Variants in BTBD10 observed in about 807,000 individuals in gnomAD.
BTBD10 encodes the protein BTB/POZ domain-containing protein 10.
A neutral mutation model predicts 53.2 loss-of-function variants in BTBD10; 21 were observed. That is an observed-to-expected ratio of 0.39 (90% confidence interval 0.28 to 0.57). The LOEUF (loss-of-function observed/expected upper bound fraction) is 0.57, where lower values mean the gene tolerates loss of function less well. Among genes scored for constraint, BTBD10 ranks in the 20% least tolerant of loss-of-function variants. The pLI, the probability that BTBD10 is intolerant of heterozygous loss-of-function variation, is 0.53. For synonymous variants in BTBD10, 149 were observed against 192.7 expected (o/e 0.77, Z 1.88); for missense variants, 360 against 594.7 (o/e 0.61, Z 4.10).
chr11:13,434,321 G>C (rs557171983), intron 2 of BTBD10, among the ~76,000 whole-genome samples: 1 of 152,258 alleles, frequency 6.6e-6, no homozygotes, highest in East Asian at 1.9e-4. Flanking sequence ...TAAAAAAAGA[G>C]TGCCACCGCT....
chr11:13,397,118 A>G (rs1289448245), intron 8 of BTBD10, among the ~76,000 whole-genome samples: 1 of 152,226 alleles, frequency 6.6e-6, no homozygotes, highest in African/African-American at 2.4e-5. Context: ...AAGGAATGGT[A>G]CCAGCTCCTC....
intron 5 of BTBD10, among the ~76,000 whole-genome samples, chr11:13,416,525 G>A (rs951914079): frequency 2.0e-5 from 3 of 152,100 alleles, no homozygotes; most frequent in Non-Finnish European, 2.9e-5. Context: ...AAAAATGATC[G>A]ATTTACTGTA....
At chr11:13,436,955 G>A (rs908548238) in intron 2 of BTBD10, among the ~76,000 whole-genome samples, 1 of 152,008 alleles carries the variant, frequency 6.6e-6, no homozygotes, top group Non-Finnish European at 1.5e-5. Flanking sequence ...GCTAATTTTT[G>A]TAATTTTAGT....
intron 8 of BTBD10, among the ~76,000 whole-genome samples, chr11:13,394,953 T>C (rs1591086758): frequency 1.3e-5 from 2 of 151,576 alleles, no homozygotes; most frequent in African/African-American, 4.8e-5. Context: ...TGTTGGACAT[T>C]TGGGTTGGTT....
chr11:13,427,944 CAA>C (rs1950375540), intron 2 of BTBD10, among the ~76,000 whole-genome samples: 1 of 151,596 alleles, frequency 6.6e-6, no homozygotes, highest in African/African-American at 2.4e-5. Context: ...GAAAAAACCC[CAA>C]GATACCATAA....
chr11:13,433,491 C>T (rs943116131), intron 2 of BTBD10, among the ~76,000 whole-genome samples: 1 of 152,114 alleles, frequency 6.6e-6, no homozygotes, highest in Non-Finnish European at 1.5e-5. Flanking sequence ...AATACCAGAT[C>T]CTCTGTTTCG....
intron 8 of BTBD10, among the ~76,000 whole-genome samples, chr11:13,389,732 G>A (rs774494121): frequency 5.3e-5 from 8 of 152,180 alleles, no homozygotes; most frequent in Non-Finnish European, 1.0e-4. Flanking sequence ...CTCTAGCTAC[G>A]TATCCTTATA....
intron 6 of BTBD10, 51 bp downstream of exon 6, chr11:13,413,479 C>A: frequency 2.0e-6 from 3 of 1,507,978 alleles, no homozygotes; most frequent in African/African-American, 1.4e-5. Context: ...GCTTTTTGTT[C>A]CAATATATTC....
intron 4 of BTBD10, among the ~76,000 whole-genome samples, chr11:13,418,506 A>G (rs1043508147): frequency 2.6e-5 from 4 of 152,158 alleles, no homozygotes; most frequent in Admixed American, 6.5e-5. Flanking sequence ...CATATTCCTG[A>G]TTTCTGTCGA....
At chr11:13,458,292 ATATGTATATT>A (rs1565276907) in intron 1 of BTBD10, among the ~76,000 whole-genome samples, 1 of 152,000 alleles carries the variant, frequency 6.6e-6, no homozygotes, top group African/African-American at 2.4e-5. Context: ...ACAGCTGTAT[ATATGTATATT>A]TATAAACAAT....
At chr11:13,450,867 CT>C (rs1950843438) in intron 1 of BTBD10, among the ~76,000 whole-genome samples, 1 of 152,182 alleles carries the variant, frequency 6.6e-6, no homozygotes, top group South Asian at 2.1e-4. Context: ...TTTAAAAGCA[CT>C]TGAAAGTGTC....
rs1274373815 is a variant in BTBD10, at chr11:13,389,148, G to T, written c.1118-7C>A. The stretch of plus-strand genomic sequence containing the variant: ...TCTTTGTAGGTAGGATAACCTGAAA[G>T]AAAGAAAGATTTTAAAAACTGAGGA... On this transcript the variant is annotated splice_polypyrimidine_tract_variant and splice_region_variant and intron_variant, in intron 8 of 8. Transcript: ENST00000278174. 1.9e-6 allele frequency: 3 copies of T among 1,567,956 alleles called. No homozygotes were observed. Among genetic ancestry groups the T allele is most frequent in the Admixed American group, 3.7e-5 (2 of 53,976 alleles).
At chr11:13,394,950 C>T (rs539625279) in intron 8 of BTBD10, among the ~76,000 whole-genome samples, 16 of 151,438 alleles carry the variant, frequency 1.1e-4, no homozygotes, top group Admixed American at 9.3e-4. Flanking sequence ...CATTGTTGGA[C>T]ATTTGGGTTG....
At chr11:13,448,402 T>C (rs989122822) in intron 1 of BTBD10, among the ~76,000 whole-genome samples, 2 of 152,168 alleles carry the variant, frequency 1.3e-5, no homozygotes, top group Admixed American at 1.3e-4. Context: ...CTTGCAAATA[T>C]CAGGATTTAT....
chr11:13,402,587 TTAAAA>T (rs1264076202), intron 8 of BTBD10, among the ~76,000 whole-genome samples: 1 of 152,194 alleles, frequency 6.6e-6, no homozygotes, highest in Non-Finnish European at 1.5e-5. Context: ...TATGGGTATT[TTAAAA>T]TAAAAGAGGC....
At position 13,445,178 on chromosome 11, in the gene BTBD10, T is replaced by C; in HGVS notation, c.-54A>G. Reference sequence around the variant, plus strand: ...TCTGAAAGCACACATGTAGCACCCATAACCTACATAAAAGAGCAGTGTTGA... The same window carrying C: ...TCTGAAAGCACACATGTAGCACCCACAACCTACATAAAAGAGCAGTGTTGA... On this transcript the variant is annotated 5_prime_UTR_variant, in exon 2 of 9. The change abolishes an upstream ATG in the 5' untranslated region. Coordinates refer to ENST00000278174, the MANE Select transcript of BTBD10 (RefSeq NM_032320.7). 8 of 1,269,130 alleles carry C rather than the reference T, an allele frequency of 6.3e-6. No individual in the cohort carries two copies. The South Asian group carries it at 8.4e-5, about 13-fold the overall frequency. The allele number at this position is 1,269,130 out of a possible 1,614,324, so 78.6% of individuals were successfully genotyped here.
rs543213291 is a variant in BTBD10, at chr11:13,389,234, A to G, written c.1118-93T>C. ...AAAGCTTTTCTGCTATAGATCCTAAAGAAACAAATTTAAAACAAAGAAGTG... is the reference window on the plus strand; with the variant it reads ...AAAGCTTTTCTGCTATAGATCCTAAGGAAACAAATTTAAAACAAAGAAGTG... On this transcript the variant is annotated intron_variant, in intron 8 of 8. Coordinates refer to ENST00000278174, the MANE Select transcript of BTBD10 (RefSeq NM_032320.7). 1.6e-5 allele frequency: 16 copies of G among 1,021,412 alleles called. No individual in the cohort carries two copies. In the African/African-American group the frequency reaches 2.6e-4, roughly 16 times the overall value. The allele number at this position is 1,021,412 out of a possible 1,614,324, so 63.3% of individuals were successfully genotyped here. A position where few individuals can be genotyped will look rare whatever the true frequency, so the allele number is the denominator to read the frequency against.
intron 2 of BTBD10, among the ~76,000 whole-genome samples, chr11:13,429,194 C>T (rs1218728421): frequency 2.0e-5 from 3 of 151,900 alleles, no homozygotes; most frequent in Non-Finnish European, 2.9e-5. Context: ...AGAAACCTAC[C>T]GTCTTTACAA....
At chr11:13,423,475 T>C (rs952290468) in intron 2 of BTBD10, among the ~76,000 whole-genome samples, 2 of 152,224 alleles carry the variant, frequency 1.3e-5, no homozygotes, top group Admixed American at 6.5e-5. Flanking sequence ...TGTTAGTTTA[T>C]TTAGTTTATG....
Sources: gnomAD v4.1 joint callset for allele counts (sites outside exome capture counted in the v4.1 genomes callset) on GRCh38, gnomAD v4.1.1 for gene constraint, MANE v1.5 for transcripts, NCBI Gene and HGNC (gene_info 2026-07-23, HGNC 2026-07-21) for gene names.